SH2D4B: variants seen among roughly 807,000 people sequenced by gnomAD.
SH2D4B encodes the protein SH2 domain-containing protein 4B.
In SH2D4B, 45 loss-of-function variants were observed where a neutral mutation model predicts 61.5. That is an observed-to-expected ratio of 0.73 (90% CI 0.58 to 0.94). SH2D4B has a LOEUF of 0.94. Ranked by LOEUF, SH2D4B falls within the 40% of genes least tolerant of loss-of-function variation. The pLI is 0.00. For missense variants in SH2D4B, 572 were observed against 574.2 expected (o/e 1.00, Z 0.04); for synonymous variants, 224 against 220.4 (o/e 1.02, Z -0.14).
rs141692304 is a variant in SH2D4B, at chr10:80,555,876, T to C, written c.185-14278T>C. Among the ~76,000 whole-genome samples the C allele has an allele frequency of 1.7e-3, 257 of 152,286 alleles. 2 individuals are homozygous for C. Among genetic ancestry groups the C allele is most frequent in the African/African-American group, 5.7e-3 (237 of 41,540 alleles). On this transcript the variant is annotated intron_variant, in intron 1 of 7. Coordinates refer to ENST00000646907, the MANE Select transcript of SH2D4B (RefSeq NM_001388272.1). ...TTTAAGAACAGGCGTGTTCGTGCCA[T>C]ATTAGTGCAGAGGAGGAAGGTAAGA...
rs576976410 is a variant in SH2D4B, at chr10:80,590,062, G to A, written c.643+1285G>A. Among the ~76,000 whole-genome samples, 10 of 152,342 alleles carry A rather than the reference G, an allele frequency of 6.6e-5. No homozygotes were observed. The East Asian group carries it at 1.4e-3, about 21-fold the overall frequency. On this transcript the variant is annotated intron_variant, in intron 4 of 7. Transcript: ENST00000646907. Reference sequence around the variant, plus strand: ...ACAGGTCCCTAGAGACAGGAGGCACGGCAGGCCATGCAGGGCCACATGGGG... The same window carrying A: ...ACAGGTCCCTAGAGACAGGAGGCACAGCAGGCCATGCAGGGCCACATGGGG...
In SH2D4B at chr10:80,644,195, G is replaced by A. The variant is rs984010255; in HGVS notation, c.*110G>A. 1 of 819,144 alleles carries A rather than the reference G, an allele frequency of 1.2e-6. No homozygotes were observed. Among genetic ancestry groups the A allele is most frequent in the Admixed American group, 2.3e-5 (1 of 43,118 alleles). 50.7% of individuals were successfully genotyped at this position (819,144 alleles called of 1,614,324 possible). ...TCTGGAAGATCCACCACTATCCAAA[G>A]GAAAAAGTAGATTAATATGCCTCAA... On this transcript the variant is annotated 3_prime_UTR_variant, in exon 8 of 8. Transcript: ENST00000646907.
At chr10:80,631,232 A>G (rs1842829480) in intron 6 of SH2D4B, among the ~76,000 whole-genome samples, 1 of 152,200 alleles carries the variant, frequency 6.6e-6, no homozygotes, top group African/African-American at 2.4e-5. Flanking sequence ...ATAGGGAATC[A>G]ATGGAAGTGT....
At chr10:80,541,341 CTGT>C (rs1841575920) in intron 1 of SH2D4B, among the ~76,000 whole-genome samples, 1 of 152,178 alleles carries the variant, frequency 6.6e-6, no homozygotes, top group Admixed American at 6.5e-5. Context: ...CTTGTTTTAG[CTGT>C]TGTTTGGGTT....
intron 6 of SH2D4B, among the ~76,000 whole-genome samples, chr10:80,614,137 G>A (rs1056471288): frequency 1.3e-5 from 2 of 152,192 alleles, no homozygotes; most frequent in African/African-American, 4.8e-5. Context: ...GGTGTGTGAG[G>A]CTGTTTTTGT....
chr10:80,581,126 A>G (rs1297426069), intron 3 of SH2D4B, among the ~76,000 whole-genome samples: 1 of 152,144 alleles, frequency 6.6e-6, no homozygotes, highest in Non-Finnish European at 1.5e-5. Flanking sequence ...ATGGCCAGTC[A>G]TTTTCCTCTG....
chr10:80,548,266 GC>G (rs1404036026), intron 1 of SH2D4B, among the ~76,000 whole-genome samples: 1 of 152,172 alleles, frequency 6.6e-6, no homozygotes, highest in Non-Finnish European at 1.5e-5. Flanking sequence ...CTAGTTTCAA[GC>G]GATTCTCCTG....
intron 6 of SH2D4B, among the ~76,000 whole-genome samples, chr10:80,630,286 A>T (rs946413318): frequency 5.3e-5 from 8 of 152,180 alleles, no homozygotes; most frequent in African/African-American, 1.9e-4. Context: ...CACCCTAGGG[A>T]GAACATGACC....
intron 6 of SH2D4B, among the ~76,000 whole-genome samples, chr10:80,630,943 G>A (rs1842825847): frequency 1.3e-5 from 2 of 152,320 alleles, no homozygotes; most frequent in African/African-American, 2.4e-5. Context: ...AGCTGCTCAA[G>A]GGTTTTAGGT....
intron 4 of SH2D4B, among the ~76,000 whole-genome samples, chr10:80,590,095 AG>A (rs1432952562): frequency 6.6e-6 from 1 of 152,230 alleles, no homozygotes; most frequent in East Asian, 1.9e-4. Flanking sequence ...GGGAAGCCCC[AG>A]GGTGGGTCAG....
intron 1 of SH2D4B, among the ~76,000 whole-genome samples, chr10:80,555,002 CAAAAAAAAAA>C (rs35160548): frequency 3.1e-5 from 2 of 63,664 alleles, no homozygotes; most frequent in Admixed American, 2.0e-4. Flanking sequence ...AGGCGAGTCT[CAAAAAAAAAA>C]AAAAAAAAAA....
chr10:80,540,106 C>T (rs535027494), intron 1 of SH2D4B, among the ~76,000 whole-genome samples: 9 of 152,324 alleles, frequency 5.9e-5, no homozygotes, highest in African/African-American at 2.2e-4. Context: ...TCTACATTTT[C>T]ATGTATAAAT....
intron 3 of SH2D4B, among the ~76,000 whole-genome samples, chr10:80,583,773 A>G (rs528447002): frequency 6.6e-6 from 1 of 152,342 alleles, no homozygotes; most frequent in African/African-American, 2.4e-5. Context: ...TCTATAAGGA[A>G]AAACAAGAAA....
chr10:80,625,573 C>CTTTTTTTT (rs564697811), intron 6 of SH2D4B, among the ~76,000 whole-genome samples: 5 of 136,622 alleles, frequency 3.7e-5, no homozygotes, highest in African/African-American at 8.7e-5. Flanking sequence ...TTTTCTTTTT[C>CTTTTTTTT]TTTTTTTTTC....
At chr10:80,618,770 C>A (rs976423120) in intron 6 of SH2D4B, among the ~76,000 whole-genome samples, 4 of 152,006 alleles carry the variant, frequency 2.6e-5, no homozygotes, top group Non-Finnish European at 1.5e-5. Flanking sequence ...GGCTGGCCTG[C>A]CTGCGTTTCT....
chr10:80,597,411 A>G (rs1015158397), intron 4 of SH2D4B, among the ~76,000 whole-genome samples: 4 of 152,236 alleles, frequency 2.6e-5, no homozygotes, highest in Admixed American at 6.5e-5. Flanking sequence ...CATGCCTGTA[A>G]TGCCAGGACT....
At chr10:80,594,915 T>C (rs1411039314) in intron 4 of SH2D4B, among the ~76,000 whole-genome samples, 1 of 152,110 alleles carries the variant, frequency 6.6e-6, no homozygotes, top group Non-Finnish European at 1.5e-5. Context: ...AACTGGGCAG[T>C]TGGGAAGGTG....
intron 1 of SH2D4B, among the ~76,000 whole-genome samples, chr10:80,549,044 A>C (rs1564765379): frequency 6.6e-6 from 1 of 152,196 alleles, no homozygotes; most frequent in Non-Finnish European, 1.5e-5. Context: ...GGGTGCAGGA[A>C]GAGCACACAG....
chr10:80,642,011 A>G (rs751542705), intron 7 of SH2D4B, among the ~76,000 whole-genome samples: 3 of 152,230 alleles, frequency 2.0e-5, no homozygotes, highest in Non-Finnish European at 4.4e-5. Context: ...TTTGCCATGT[A>G]TCTTATCTAA....
Sources: gnomAD v4.1 joint callset for allele counts (sites outside exome capture counted in the v4.1 genomes callset) on GRCh38, gnomAD v4.1.1 for gene constraint, MANE v1.5 for transcripts, NCBI Gene and HGNC (gene_info 2026-07-23, HGNC 2026-07-21) for gene names.